SYN3: variants seen among roughly 807,000 people sequenced by gnomAD.
SYN3 encodes the protein synapsin III.
SYN3 carries 35 observed loss-of-function variants against 65.8 expected under a neutral mutation model. The observed-to-expected ratio is 0.53, with a 90% CI of 0.41 to 0.70. The LOEUF (loss-of-function observed/expected upper bound fraction) is 0.70, where lower values mean the gene tolerates loss of function less well. Among genes scored for constraint, SYN3 ranks in the 30% least tolerant of loss-of-function variants. SYN3 has a pLI of 0.00. For missense variants in SYN3, 680 were observed against 749.0 expected, an observed-to-expected ratio of 0.91 and a Z score of 1.08; for synonymous variants, 270 against 292.9, an observed-to-expected ratio of 0.92 and a Z score of 0.80.
chr22:33,056,145 A>G (rs2054250009), intron 1 of SYN3, among the ~76,000 whole-genome samples: 1 of 152,220 alleles, frequency 6.6e-6, no homozygotes, highest in African/African-American at 2.4e-5. Flanking sequence ...TATATACATA[A>G]TAGACACTCA....
intron 1 of SYN3, among the ~76,000 whole-genome samples, chr22:33,052,414 T>C (rs972736965): frequency 6.6e-5 from 10 of 152,074 alleles, no homozygotes; most frequent in African/African-American, 2.4e-4. Flanking sequence ...TTCTTTCTCC[T>C]CCTCCTCCTC....
Position 32,556,803 on chromosome 22 carries a change from G to GTTTTTTTTTTTTTTTTT in SYN3, c.775-15091_775-15090insAAAAAAAAAAAAAAAAA, listed in dbSNP as rs1491135400. Reference sequence around the variant, plus strand: ...CAATGACCCAATCTATAGGTTTCCTGGTTTTTTTTTTTTTTTTTTTTTTTT... The same window carrying GTTTTTTTTTTTTTTTTT: ...CAATGACCCAATCTATAGGTTTCCTGTTTTTTTTTTTTTTTTTGTTTTTTTTTTTTTTTTTTTTTTTT... On this transcript the variant is annotated intron_variant, in intron 7 of 13. Transcript: ENST00000358763. 2.7e-3 allele frequency among the ~76,000 whole-genome samples: 94 copies of GTTTTTTTTTTTTTTTTT among 35,252 alleles called. 32 individuals are homozygous for GTTTTTTTTTTTTTTTTT. Among genetic ancestry groups the GTTTTTTTTTTTTTTTTT allele is most frequent in the Non-Finnish European group, 4.4e-3 (78 of 17,874 alleles). 23.1% of individuals were successfully genotyped at this position (35,252 alleles called of 152,430 possible).
At chr22:32,976,554 G>GA (rs550930643) in intron 3 of SYN3, among the ~76,000 whole-genome samples, 86 of 152,220 alleles carry the variant, frequency 5.6e-4, no homozygotes, top group African/African-American at 1.8e-3. Flanking sequence ...TGCCTGTGGA[G>GA]AAAAAGACCC....
At chr22:32,935,447 TA>T (rs148341196) in intron 3 of SYN3, among the ~76,000 whole-genome samples, 6 of 139,210 alleles carry the variant, frequency 4.3e-5, no homozygotes, top group Non-Finnish European at 6.1e-5. Context: ...TTTGGTATGG[TA>T]TTTTTTTTTT....
intron 6 of SYN3, among the ~76,000 whole-genome samples, chr22:32,731,847 G>C (rs1182331207): frequency 6.6e-6 from 1 of 152,146 alleles, no homozygotes; most frequent in Non-Finnish European, 1.5e-5. Context: ...TAGAACTCAA[G>C]GCTCTGAAAG....
Position 32,646,760 on chromosome 22 carries a change from G to A in SYN3, c.712-50024C>T, listed in dbSNP as rs1175158092. Among the ~76,000 whole-genome samples the A allele has an allele frequency of 5.9e-5, 9 of 152,190 alleles. No homozygotes were observed. The East Asian group carries it at 9.6e-4, about 16-fold the overall frequency. Reference sequence around the variant, plus strand: ...TTGTGAGCAGAGACTGAGAAACAATGAAACAGTGGAAAGAATGGAGGCAGA... The same window carrying A: ...TTGTGAGCAGAGACTGAGAAACAATAAAACAGTGGAAAGAATGGAGGCAGA... On this transcript the variant is annotated intron_variant, in intron 6 of 13. Transcript: ENST00000358763.
chr22:32,528,877 A>C lies in SYN3; in HGVS notation c.1227T>G (p.Pro409=), dbSNP rs2058024600. Residue 409 remains proline (P), a synonymous_variant, in exon 11 of 14, where the codon CCT becomes CCG. Coordinates refer to ENST00000358763, the MANE Select transcript of SYN3 (RefSeq NM_003490.4). ...CCTTTGATCGTGAGGGTCTTACCCA[A>C]GGTCTGAGGGGGGAGGGCGCTGTGC... The part of the protein sequence containing the change: ...PGGTAPSPLR[P]WAPQIKSAKS... 2.5e-6 allele frequency: 4 copies of C among 1,614,130 alleles called. No homozygotes were observed. Among genetic ancestry groups the C allele is most frequent in the South Asian group, 2.2e-5 (2 of 91,086 alleles).
At chr22:32,740,171 TG>T (rs577283780) in intron 6 of SYN3, among the ~76,000 whole-genome samples, 141 of 152,326 alleles carry the variant, frequency 9.3e-4, no homozygotes, top group African/African-American at 3.2e-3. Context: ...AGACTCAAAA[TG>T]GAACTTGCAC....
rs71320935 is a variant in SYN3 at position 32,569,256 on chromosome 22, AATCTATCT to A, written c.774+27410_774+27417del. On this transcript the variant is annotated intron_variant, in intron 7 of 13. Coordinates refer to ENST00000358763, the MANE Select transcript of SYN3 (RefSeq NM_003490.4). ...TTTCTATCTATCTCTATGCATCCAA[AATCTATCT>A]ATCTATCTATCTATCTATCTATCTA... 1.4e-3 allele frequency among the ~76,000 whole-genome samples: 195 copies of A among 141,092 alleles called. 1 individual carries two copies. Among genetic ancestry groups the A allele is most frequent in the African/African-American group, 3.4e-3 (129 of 38,476 alleles). The allele number at this position is 141,092 out of a possible 152,430, so 92.6% of individuals were successfully genotyped here.
rs143854371 is a variant in SYN3 at position 32,727,967 on chromosome 22, C to T, written c.712-131231G>A. 1.4e-4 allele frequency among the ~76,000 whole-genome samples: 22 copies of T among 152,260 alleles called. No individual in the cohort carries two copies. The East Asian group carries it at 4.0e-3, about 28-fold the overall frequency. On this transcript the variant is annotated intron_variant, in intron 6 of 13. Transcript: ENST00000358763. Reference sequence around the variant, plus strand: ...CTACAACCATCCGATCTTTGATAAACCTGACCAAACAAGCAATGGGGAAAG... The same window carrying T: ...CTACAACCATCCGATCTTTGATAAATCTGACCAAACAAGCAATGGGGAAAG...
At chr22:32,920,219 G>A (rs967443965) in intron 4 of SYN3, among the ~76,000 whole-genome samples, 8 of 152,172 alleles carry the variant, frequency 5.3e-5, no homozygotes, top group South Asian at 2.1e-4. Context: ...CAGAACTTGC[G>A]TAATTAGATT....
chr22:32,870,009 G>A (rs1186746890), intron 4 of SYN3, among the ~76,000 whole-genome samples: 1 of 152,018 alleles, frequency 6.6e-6, no homozygotes, highest in Non-Finnish European at 1.5e-5. Context: ...TTCACACATT[G>A]TTTGATTCAT....
rs556668875 is a variant in SYN3 at position 32,569,860 on chromosome 22, G to A, written c.774+26814C>T. ...GGCCCAATGATTTGAACAGTGCCAG[G>A]CACAAAGCAACGAATGTTAGCTGTT... On this transcript the variant is annotated intron_variant, in intron 7 of 13. Coordinates refer to ENST00000358763, the MANE Select transcript of SYN3 (RefSeq NM_003490.4). 4.6e-5 allele frequency among the ~76,000 whole-genome samples: 7 copies of A among 152,228 alleles called. No homozygotes were observed. The South Asian group carries it at 1.5e-3, about 32-fold the overall frequency.
intron 4 of SYN3, among the ~76,000 whole-genome samples, chr22:32,910,701 C>T (rs2050030134): frequency 6.6e-6 from 1 of 152,102 alleles, no homozygotes; most frequent in South Asian, 2.1e-4. Context: ...TATGTTTGCA[C>T]CAACTGAATA....
chr22:32,915,415 A>G (rs1449054428), intron 4 of SYN3, among the ~76,000 whole-genome samples: 1 of 152,246 alleles, frequency 6.6e-6, no homozygotes, highest in Non-Finnish European at 1.5e-5. Context: ...GGTAAGGAAC[A>G]TATAAGCAAG....
At chr22:32,515,879 A>C (rs2057763298) in intron 13 of SYN3, among the ~76,000 whole-genome samples, 1 of 152,026 alleles carries the variant, frequency 6.6e-6, no homozygotes, top group Non-Finnish European at 1.5e-5. Context: ...GCTCACTGCA[A>C]GCTCCGCCTC....
chr22:32,778,445 T>A, intron 6 of SYN3, among the ~76,000 whole-genome samples: 1 of 132,206 alleles, frequency 7.6e-6, no homozygotes, highest in East Asian at 2.2e-4. Flanking sequence ...CACGCCACCA[T>A]GTCCAGCTAA....
rs142247936 is a variant in SYN3 at position 32,569,483 on chromosome 22, AATCT to A, written c.774+27187_774+27190del. ...ATCTAAAATCTATCAATTGATCTAAAATCTATCTGTATCTAAAATGTATCATCTA... is the reference window on the plus strand; with the variant it reads ...ATCTAAAATCTATCAATTGATCTAAAATCTGTATCTAAAATGTATCATCTA... On this transcript the variant is annotated intron_variant, in intron 7 of 13. Coordinates refer to ENST00000358763, the MANE Select transcript of SYN3 (RefSeq NM_003490.4). 1.1e-3 allele frequency among the ~76,000 whole-genome samples: 163 copies of A among 150,926 alleles called. 2 individuals carry two copies. The East Asian group carries it at 0.026, about 24-fold the overall frequency.
At chr22:32,793,512 G>C (rs1234547029) in intron 6 of SYN3, among the ~76,000 whole-genome samples, 2 of 152,124 alleles carry the variant, frequency 1.3e-5, no homozygotes, top group Non-Finnish European at 2.9e-5. Context: ...TTATTTTCTT[G>C]TGTTTTTCTC....
Sources: gnomAD v4.1 joint callset for allele counts (sites outside exome capture counted in the v4.1 genomes callset) on GRCh38, gnomAD v4.1.1 for gene constraint, MANE v1.5 for transcripts, NCBI Gene and HGNC (gene_info 2026-07-23, HGNC 2026-07-21) for gene names.